Variants in FBXW10 observed in about 807,000 individuals in gnomAD.
FBXW10 encodes the protein F-box and WD repeat domain containing 10.
FBXW10 carries 68 observed loss-of-function variants against 113.1 expected under a neutral mutation model. The ratio of observed to expected loss-of-function variants is 0.60; its 90% CI spans 0.49 to 0.74. The LOEUF is 0.74. FBXW10 is among the 30% of genes least tolerant of loss of function. The pLI, the probability that FBXW10 is intolerant of heterozygous loss-of-function variation, is 0.00. For missense variants in FBXW10, 753 were observed against 1,284.5 expected (o/e 0.59, Z 6.32); for synonymous variants, 289 against 481.6 (o/e 0.60, Z 5.24).
chr17:18,762,002 G>A (rs1253219737), intron 7 of FBXW10, among the ~76,000 whole-genome samples: 7 of 150,184 alleles, frequency 4.7e-5, no homozygotes, highest in Admixed American at 4.7e-4. Flanking sequence ...TTGCTCTGTC[G>A]CCCAGGCTAG....
At position 18,768,522 on chromosome 17, in the gene FBXW10, C is replaced by G; in HGVS notation, c.1705-12C>G. On this transcript the variant is annotated splice_polypyrimidine_tract_variant and intron_variant, in intron 9 of 13. Transcript: ENST00000395665. ...CAGTCTGAGTTGAAGACAGTGGTAT[C>G]TTTTCTTGCAGACTCTCAGTGGCCA... The G allele has an allele frequency of 6.2e-7, 1 of 1,613,850 alleles. No homozygotes were observed. The highest frequency in any genetic ancestry group is 8.5e-7 in the Non-Finnish European group (1 of 1,179,906).
At chr17:18,750,481 C>A (rs952222110) in intron 4 of FBXW10, among the ~76,000 whole-genome samples, 1 of 150,936 alleles carries the variant, frequency 6.6e-6, no homozygotes. Flanking sequence ...TCTGCATCAA[C>A]CTCATATGGA....
At chr17:18,752,673 A>C (rs28705187) in intron 5 of FBXW10, among the ~76,000 whole-genome samples, 1 of 151,244 alleles carries the variant, frequency 6.6e-6, no homozygotes, top group Non-Finnish European at 1.5e-5. Flanking sequence ...AGATTGCGCC[A>C]CTGCACTCCA....
At chr17:18,764,721 C>T in intron 7 of FBXW10, 21 bp from the exon 8 acceptor site, 1 of 1,613,716 alleles carries the variant, frequency 6.2e-7, no homozygotes, top group Middle Eastern at 1.7e-4. Context: ...CTCTCACATT[C>T]TTTTGGCCTG....
intron 13 of FBXW10, among the ~76,000 whole-genome samples, chr17:18,775,410 T>C (rs2035682242): frequency 6.6e-6 from 1 of 152,252 alleles, no homozygotes; most frequent in South Asian, 2.1e-4. Flanking sequence ...ATGAATACAA[T>C]GCCTGGCTTC....
intron 13 of FBXW10, among the ~76,000 whole-genome samples, chr17:18,777,648 A>G (rs2035727517): frequency 6.7e-6 from 1 of 150,186 alleles, no homozygotes; most frequent in Non-Finnish European, 1.5e-5. Flanking sequence ...GGTTCATGCC[A>G]TTCTCCTGCC....
At chr17:18,764,613 C>G in intron 7 of FBXW10, 129 bp from the exon 8 acceptor site, 1 of 1,445,940 alleles carries the variant, frequency 6.9e-7, no homozygotes. Context: ...CAAATCCAGG[C>G]CCCTGACTCT....
intron 7 of FBXW10, among the ~76,000 whole-genome samples, chr17:18,758,730 A>C (rs1441187206): frequency 6.8e-6 from 1 of 146,294 alleles, no homozygotes. Flanking sequence ...TATATTTTCT[A>C]ATTGATGACT....
At chr17:18,758,258 G>C (rs1182328857) in intron 6 of FBXW10, 47 bp from the exon 7 acceptor site, 1 of 1,422,394 alleles carries the variant, frequency 7.0e-7, no homozygotes, top group African/African-American at 1.4e-5. Flanking sequence ...TCCCAGGAGG[G>C]ACACTGACTC....
At chr17:18,777,885 A>G (rs1246091327) in intron 13 of FBXW10, among the ~76,000 whole-genome samples, 1 of 151,984 alleles carries the variant, frequency 6.6e-6, no homozygotes, top group African/African-American at 2.4e-5. Flanking sequence ...TTGAAATCAC[A>G]TCTGTTGCAT....
intron 10 of FBXW10, 22 bp downstream of exon 10, chr17:18,768,698 A>G: frequency 6.2e-7 from 1 of 1,612,950 alleles, no homozygotes; most frequent in Non-Finnish European, 8.5e-7. Flanking sequence ...TGAAGCCCGG[A>G]GCGATGAACC....
At chr17:18,768,737 TAG>T in intron 10 of FBXW10, 61 bp downstream of exon 10, 4 of 1,564,972 alleles carry the variant, frequency 2.6e-6, no homozygotes, top group Non-Finnish European at 3.5e-6. Context: ...CGTCATAGCC[TAG>T]ACTGCAATCA....
chr17:18,764,465 G>T lies in FBXW10; in HGVS notation c.1434-277G>T, dbSNP rs184980670. On this transcript the variant is annotated intron_variant, in intron 7 of 13. Transcript: ENST00000395665. ...TCTGCCCGCCTCAGCCTCCCAAAGTGCTGGGATTACAGGGGTGAGCCACTG... is the reference window on the plus strand; with the variant it reads ...TCTGCCCGCCTCAGCCTCCCAAAGTTCTGGGATTACAGGGGTGAGCCACTG... 1.9e-3 allele frequency among the ~76,000 whole-genome samples: 296 copies of T among 152,260 alleles called. 4 individuals are homozygous for T. Among genetic ancestry groups the T allele is most frequent in the Non-Finnish European group, 2.5e-4 (17 of 68,014 alleles).
At position 18,748,019 on chromosome 17, in the gene FBXW10, A is replaced by G. The variant is rs780481998; in HGVS notation, c.584A>G (p.Tyr195Cys). Residue 195 changes from tyrosine (Y) to cysteine (C), a missense_variant, in exon 2 of 14, where the codon TAT becomes TGT. Physicochemically the swap from Tyr to Cys is radical, Grantham distance 194. Transcript: ENST00000395665. ...HSSKSATSQV[Y>C]WTAKTQHTSL... is the part of the protein sequence containing the mutation. ...TCCAAGTCTGCGACCTCACAAGTCT[A>G]TTGGACAGCCAAAACTCAGCACACA... The G allele has an allele frequency of 2.1e-5, 34 of 1,613,776 alleles. No homozygotes were observed. Among genetic ancestry groups the G allele is most frequent in the Non-Finnish European group, 2.6e-5 (31 of 1,179,856 alleles).
Position 18,746,922 on chromosome 17 carries a change from T to TACAACC in FBXW10, c.506-1019_506-1018insACAACC, listed in dbSNP as rs1567613933. 1.9e-3 allele frequency among the ~76,000 whole-genome samples: 278 copies of TACAACC among 147,718 alleles called. 2 individuals are homozygous for TACAACC. Among genetic ancestry groups the TACAACC allele is most frequent in the African/African-American group, 6.5e-3 (259 of 40,148 alleles). On this transcript the variant is annotated intron_variant, in intron 1 of 13. Coordinates refer to ENST00000395665, the MANE Select transcript of FBXW10 (RefSeq NM_001267585.2). ...TATTACAGGTTGTGGCAACCTTCTT[T>TACAACC]TTTTTTTTTTTTTTTTTGAGACAGA...
At chr17:18,764,682 C>A (rs747327285) in intron 7 of FBXW10, 60 bp from the exon 8 acceptor site, 12 of 1,612,940 alleles carry the variant, frequency 7.4e-6, no homozygotes, top group East Asian at 2.2e-5. Flanking sequence ...ATGGGTTCTA[C>A]GCAGTATGAT....
Position 18,747,015 on chromosome 17 carries a change from C to T in FBXW10, c.506-926C>T, listed in dbSNP as rs181311849. On this transcript the variant is annotated intron_variant, in intron 1 of 13. Coordinates refer to ENST00000395665, the MANE Select transcript of FBXW10 (RefSeq NM_001267585.2). ...TGGCTCACTGCTGCAAGCTCCGCCT[C>T]CCGGGTTCACGCCATTCTCCTGCCT... 8.9e-3 allele frequency among the ~76,000 whole-genome samples: 1,345 copies of T among 151,496 alleles called. 8 individuals carry two copies. The highest frequency in any genetic ancestry group is 0.026 in the African/African-American group (1,081 of 41,274).
chr17:18,778,661 T>C lies in FBXW10; in HGVS notation c.2522T>C (p.Ile841Thr), dbSNP rs1597608850. Reference sequence around the variant, plus strand: ...TATCCCTGTAGGCCCCAAACAGAAATTACTGATGTCTGGGGACCTTCAATT... The same window carrying C: ...TATCCCTGTAGGCCCCAAACAGAAACTACTGATGTCTGGGGACCTTCAATT... The part of the protein sequence containing the change: ...FAYPCRPQTE[I>T]TDVWGPSISY... Residue 841 changes from isoleucine (I) to threonine (T), a missense_variant, in exon 14 of 14, where the codon ATT becomes ACT. Physicochemically the swap from Ile to Thr is moderately conservative, Grantham distance 89. Transcript: ENST00000395665. 1 of 1,613,790 alleles carries C rather than the reference T, an allele frequency of 6.2e-7. No homozygotes were observed. Among genetic ancestry groups the C allele is most frequent in the East Asian group, 2.2e-5 (1 of 44,844 alleles).
At chr17:18,744,850 CAG>C (rs769755483) in intron 1 of FBXW10, 101 bp downstream of exon 1, 1 of 1,544,534 alleles carries the variant, frequency 6.5e-7, no homozygotes, top group Non-Finnish European at 8.7e-7. Flanking sequence ...CATAGGTAGA[CAG>C]AGATTGCACA....
Sources: gnomAD v4.1 joint callset for allele counts (sites outside exome capture counted in the v4.1 genomes callset) on GRCh38, gnomAD v4.1.1 for gene constraint, MANE v1.5 for transcripts, NCBI Gene and HGNC (gene_info 2026-07-23, HGNC 2026-07-21) for gene names.